The following ZSCAN30 variants were observed in gnomAD, a reference collection of about 807,000 sequenced individuals.
ZSCAN30 encodes zinc finger and SCAN domain containing 30.
ZSCAN30 carries 37 observed loss-of-function variants against 44.3 expected under a neutral mutation model. The ratio of observed to expected loss-of-function variants is 0.84; its 90% CI spans 0.64 to 1.10. The LOEUF (loss-of-function observed/expected upper bound fraction) is 1.10. Among genes scored for constraint, ZSCAN30 ranks in the 50% least tolerant of loss-of-function variants. ZSCAN30 has a pLI of 0.00. For missense variants in ZSCAN30, 549 were observed against 582.6 expected (o/e 0.94, Z 0.59); for synonymous variants, 181 against 204.6 (o/e 0.88, Z 0.98).
rs1372363019 is a variant in ZSCAN30 at position 35,253,352 on chromosome 18, C to A, written c.*98G>T. Reference sequence around the variant, plus strand: ...ATAGTACCGAACTGGGAGGGAAGGACAGAAGTTCTGCTCTCAGGAAACTTT... The same window carrying A: ...ATAGTACCGAACTGGGAGGGAAGGAAAGAAGTTCTGCTCTCAGGAAACTTT... On this transcript the variant is annotated 3_prime_UTR_variant, in exon 4 of 4. Transcript: ENST00000333206. 3 of 955,722 alleles carry A rather than the reference C, an allele frequency of 3.1e-6. No homozygotes were observed. Among genetic ancestry groups the A allele is most frequent in the Non-Finnish European group, 4.6e-6 (3 of 650,498 alleles). The allele number at this position is 955,722 out of a possible 1,614,324, so 59.2% of individuals were successfully genotyped here.
At chr18:35,283,751 G>T (rs138613649) in intron 1 of ZSCAN30, 2 of 152,470 alleles carry the variant, frequency 1.3e-5, no homozygotes, top group African/African-American at 4.8e-5. Flanking sequence ...CTGGCTCAGG[G>T]AGCTTCCTGG....
intron 3 of ZSCAN30, chr18:35,260,519 A>T (rs1422124966): frequency 1.3e-5 from 2 of 152,192 alleles, no homozygotes; most frequent in African/African-American, 4.8e-5. Flanking sequence ...CATTGCCAGC[A>T]TCTGTTGTTT....
At chr18:35,265,167 A>G (rs1294763211) in intron 1 of ZSCAN30, among the ~76,000 whole-genome samples, 2 of 151,778 alleles carry the variant, frequency 1.3e-5, no homozygotes, top group Non-Finnish European at 2.9e-5. Flanking sequence ...AATTACGCCC[A>G]TTTTCCTAAC....
Position 35,254,081 on chromosome 18 carries a change from T to C in ZSCAN30, c.854A>G (p.Asn285Ser). ...GCTCTGTTGTGTAATATCATTTGAATTCATACTGAAACTTCCTTCACTCTC... is the reference window on the plus strand; with the variant it reads ...GCTCTGTTGTGTAATATCATTTGAACTCATACTGAAACTTCCTTCACTCTC... ...SHESEGSFSMNSNDITQQSVD... is the reference protein window; with the variant it reads ...SHESEGSFSMSSNDITQQSVD... Residue 285 changes from asparagine (N) to serine (S), a missense_variant, in exon 4 of 4, where the codon AAT becomes AGT. Coordinates refer to ENST00000333206, the MANE Select transcript of ZSCAN30 (RefSeq NM_001112734.4). The C allele has an allele frequency of 4.3e-6, 7 of 1,614,168 alleles. No homozygotes were observed. The highest frequency in any genetic ancestry group is 5.9e-6 in the Non-Finnish European group (7 of 1,180,028).
At position 35,253,243 on chromosome 18, in the gene ZSCAN30, T is replaced by C. The variant is rs1318244788; in HGVS notation, c.*207A>G. ...CATTTCAAGGAAATATCTACCATTC[T>C]TTTTGGAGAAGACTTGGGTAACATT... On this transcript the variant is annotated 3_prime_UTR_variant, in exon 4 of 4. Transcript: ENST00000333206. 8.9e-6 allele frequency: 4 copies of C among 451,106 alleles called. No individual in the cohort carries two copies. Among genetic ancestry groups the C allele is most frequent in the Non-Finnish European group, 1.6e-5 (4 of 255,542 alleles). The allele number at this position is 451,106 out of a possible 1,614,324, so 27.9% of individuals were successfully genotyped here.
At chr18:35,266,350 G>A (rs964592625) in intron 1 of ZSCAN30, among the ~76,000 whole-genome samples, 2 of 152,116 alleles carry the variant, frequency 1.3e-5, no homozygotes, top group African/African-American at 4.8e-5. Flanking sequence ...ATGGGAAGGG[G>A]TTTGTTGCAA....
chr18:35,273,142 G>C (rs1220483721), intron 1 of ZSCAN30, among the ~76,000 whole-genome samples: 1 of 152,144 alleles, frequency 6.6e-6, no homozygotes, highest in Non-Finnish European at 1.5e-5. Context: ...TCCATCTCCA[G>C]AACTTTTTTA....
At chr18:35,280,085 GGGCAACATA>G (rs1478460364) in intron 1 of ZSCAN30, among the ~76,000 whole-genome samples, 1 of 152,070 alleles carries the variant, frequency 6.6e-6, no homozygotes, top group African/African-American at 2.4e-5. Flanking sequence ...AGACCAGCCT[GGGCAACATA>G]GTAAACCCTG....
At chr18:35,264,875 G>A (rs934756755) in intron 1 of ZSCAN30, among the ~76,000 whole-genome samples, 5 of 151,996 alleles carry the variant, frequency 3.3e-5, no homozygotes, top group Non-Finnish European at 7.4e-5. Context: ...TGCCAGGCAC[G>A]GTGGCTCACG....
chr18:35,271,922 C>A (rs1419022781), intron 1 of ZSCAN30, among the ~76,000 whole-genome samples: 1 of 152,094 alleles, frequency 6.6e-6, no homozygotes, highest in African/African-American at 2.4e-5. Context: ...GGGCCGGCGG[C>A]GCTGGCCGGC....
intron 1 of ZSCAN30, among the ~76,000 whole-genome samples, chr18:35,271,494 C>G (rs1261192622): frequency 6.6e-6 from 1 of 152,288 alleles, no homozygotes; most frequent in Non-Finnish European, 1.5e-5. Flanking sequence ...AAACCTTGAA[C>G]TAGACACAGA....
chr18:35,265,035 A>G (rs548994654), intron 1 of ZSCAN30, among the ~76,000 whole-genome samples: 1 of 152,122 alleles, frequency 6.6e-6, no homozygotes, highest in South Asian at 2.1e-4. Flanking sequence ...AGTCCCAGCT[A>G]CTTGGGAGGC....
Position 35,254,022 on chromosome 18 carries a change from C to G in ZSCAN30, c.913G>C (p.Asp305His), listed in dbSNP as rs747750967. ...DTREKLYECFDCGKAFCQSSK... is the reference protein window; with the variant it reads ...DTREKLYECFHCGKAFCQSSK... ...CTCTGGCAAAAGGCCTTCCCACAGT[C>G]AAAGCACTCATAGAGCTTTTCCCTA... Residue 305 changes from aspartate (D) to histidine (H), a missense_variant, in exon 4 of 4, where the codon GAC (aspartate) becomes CAC (histidine). Asp to His is a moderately conservative substitution (Grantham distance 81). Coordinates refer to ENST00000333206, the MANE Select transcript of ZSCAN30 (RefSeq NM_001112734.4). 7.4e-6 allele frequency: 12 copies of G among 1,614,190 alleles called. No individual in the cohort carries two copies. The highest frequency in any genetic ancestry group is 3.3e-4 in the Middle Eastern group (2 of 6,062).
chr18:35,289,987 T>G (rs187725663), intron 1 of ZSCAN30, 97 bp downstream of exon 1: 2 of 152,330 alleles, frequency 1.3e-5, no homozygotes, highest in Admixed American at 6.5e-5. Context: ...AAGTTAGAAT[T>G]AAAGCATACC....
rs2043623426 is a variant in ZSCAN30, at chr18:35,252,213, G to A, written c.*1237C>T. 1 of 152,188 alleles carries A rather than the reference G, an allele frequency of 6.6e-6. No individual in the cohort carries two copies. The highest frequency in any genetic ancestry group is 1.5e-5 in the Non-Finnish European group (1 of 68,062). 9.4% of individuals were successfully genotyped at this position (152,188 alleles called of 1,614,324 possible). On this transcript the variant is annotated 3_prime_UTR_variant, in exon 4 of 4. Coordinates refer to ENST00000333206, the MANE Select transcript of ZSCAN30 (RefSeq NM_001112734.4). ...GACCCAGAATGACCTGTGAGACTCTGAAGTACTCAGAATTAGTGTGGTGAG... is the reference window on the plus strand; with the variant it reads ...GACCCAGAATGACCTGTGAGACTCTAAAGTACTCAGAATTAGTGTGGTGAG...
chr18:35,284,803 C>G (rs1270072259), intron 1 of ZSCAN30: 1 of 155,126 alleles, frequency 6.4e-6, no homozygotes, highest in Non-Finnish European at 1.5e-5. Context: ...TGCTCCAGCA[C>G]TCCTGCCTGC....
intron 1 of ZSCAN30, among the ~76,000 whole-genome samples, chr18:35,266,496 C>T (rs2044152649): frequency 6.6e-6 from 1 of 151,954 alleles, no homozygotes; most frequent in East Asian, 1.9e-4. Flanking sequence ...TGTGGTTGGC[C>T]CTTGTGACTA....
intron 1 of ZSCAN30, chr18:35,266,616 A>G (rs1407182539): frequency 6.7e-6 from 1 of 149,114 alleles, no homozygotes; most frequent in African/African-American, 2.5e-5. Flanking sequence ...TAGATTTTTC[A>G]TACATATCTA....
At chr18:35,269,092 A>C (rs1228061319) in intron 1 of ZSCAN30, 2 of 152,222 alleles carry the variant, frequency 1.3e-5, no homozygotes, top group African/African-American at 2.4e-5. Context: ...TAATCAGAAG[A>C]TGTTACAGTT....
Sources: allele counts gnomAD v4.1 joint callset (sites outside exome capture counted in the v4.1 genomes callset), GRCh38; gene constraint gnomAD v4.1.1; transcripts MANE v1.5; gene names NCBI Gene and HGNC (gene_info 2026-07-23, HGNC 2026-07-21).